UNC5CL: variants seen among roughly 807,000 people sequenced by gnomAD.
UNC5CL encodes unc-5 family C-terminal like, also known as UNC5C-like protein.
In UNC5CL, 42 loss-of-function variants were observed where a neutral mutation model predicts 54.1. The observed-to-expected ratio is 0.78, with a 90% confidence interval of 0.61 to 1.00. UNC5CL has a LOEUF of 1.00. Among genes scored for constraint, UNC5CL ranks in the 50% least tolerant of loss-of-function variants. The pLI, the probability that UNC5CL is intolerant of heterozygous loss-of-function variation, is 0.00. For synonymous variants in UNC5CL, 285 were observed against 285.1 expected (o/e 1.00, Z 0.00); for missense variants, 619 against 675.6 (o/e 0.92, Z 0.93).
Position 41,033,008 on chromosome 6 carries a change from G to A in UNC5CL, c.825C>T (p.Cys275=), listed in dbSNP as rs117712494. ...LRIYFLNNTP[C]ALQWALTNEQ... is the part of the protein sequence containing the mutation. ...CGTTGGTCAGTGCCCACTGCAGGGC[G>A]CAGGGCGTGTTGTTGAGGAAGTAGA... Residue 275 remains cysteine, a synonymous_variant, in exon 4 of 9, where the codon TGC becomes TGT. Transcript: ENST00000244565. The A allele has an allele frequency of 5.7e-4, 909 of 1,606,730 alleles. 13 individuals are homozygous for A. The East Asian group carries it at 0.016, about 29-fold the overall frequency.
At chr6:41,035,705 G>A (rs1438438100) in intron 1 of UNC5CL, among the ~76,000 whole-genome samples, 1 of 152,228 alleles carries the variant, frequency 6.6e-6, no homozygotes, top group East Asian at 1.9e-4. Context: ...AAAAGGAGTG[G>A]TAGCTTCGGG....
chr6:41,028,426 C>T lies in UNC5CL; in HGVS notation c.1504G>A (p.Glu502Lys), dbSNP rs1005099050. Reference sequence around the variant, plus strand: ...TGGTTATCCCGGGCGCCCCCGCGCTCGGGGCCTGGGCTGCCGCCGTGTGTC... The same window carrying T: ...TGGTTATCCCGGGCGCCCCCGCGCTTGGGGCCTGGGCTGCCGCCGTGTGTC... ...SGTHGGSPGP[E>K]RGGARDNQGL... The change falls in exon 9 of 9, where the codon GAG becomes AAG. Residue 502 changes from glutamate to lysine, a missense_variant. Transcript: ENST00000244565. This position sits in a 1 kb window ranked among gnomAD's most constrained non-coding sequence, Gnocchi z 4.3. 6 of 1,611,730 alleles carry T rather than the reference C, an allele frequency of 3.7e-6. No individual in the cohort carries two copies. The South Asian group carries it at 4.4e-5, about 12-fold the overall frequency.
Position 41,033,259 on chromosome 6 carries a change from CAGAGAA to C in UNC5CL, c.687-119_687-114del, listed in dbSNP as rs779214688. ...CCTCTGTGGGGCCTTCAAGGAGGTT[CAGAGAA>C]CACTCGAGGGGAGCACTTAGGGAGG... On this transcript the variant is annotated intron_variant, in intron 3 of 8. Coordinates refer to ENST00000244565, the MANE Select transcript of UNC5CL (RefSeq NM_173561.3). The C allele has an allele frequency of 7.7e-4, 1,035 of 1,343,182 alleles. 2 individuals carry two copies. Among genetic ancestry groups the C allele is most frequent in the Non-Finnish European group, 9.9e-4 (988 of 1,001,556 alleles). The allele number at this position is 1,343,182 out of a possible 1,614,324, so 83.2% of individuals were successfully genotyped here.
intron 1 of UNC5CL, among the ~76,000 whole-genome samples, chr6:41,036,371 G>T (rs1762524008): frequency 1.3e-5 from 2 of 152,170 alleles, no homozygotes; most frequent in Admixed American, 6.5e-5. Flanking sequence ...AATGAATCCG[G>T]TCTTAGACTG....
rs556426780 is a variant in UNC5CL at position 41,031,835 on chromosome 6, A to G, written c.1052-87T>C. 1,480 of 1,449,642 alleles carry G rather than the reference A, an allele frequency of 1.0e-3. 14 individuals are homozygous for G. In the African/African-American group the frequency reaches 0.018, roughly 18 times the overall value. The allele number at this position is 1,449,642 out of a possible 1,614,324, so 89.8% of individuals were successfully genotyped here. On this transcript the variant is annotated intron_variant, in intron 5 of 8. Transcript: ENST00000244565. ...AGAAGGTAAGGGACTCTATAGTAAG[A>G]CTTGGGAAATCTGAGGAAGCTGGGG...
At chr6:41,033,205 C>G (rs565239683) in intron 3 of UNC5CL, 59 bp from the exon 4 acceptor site, 1 of 1,557,790 alleles carries the variant, frequency 6.4e-7, no homozygotes, top group Non-Finnish European at 8.7e-7. Context: ...CACCAACACA[C>G]TGCCACCAGC....
rs752120688 is a variant in UNC5CL, at chr6:41,033,971, G to A, written c.596C>T (p.Thr199Ile). The A allele has an allele frequency of 5.5e-5, 88 of 1,614,066 alleles. No individual in the cohort carries two copies. The East Asian group carries it at 1.9e-3, about 36-fold the overall frequency. Residue 199 changes from threonine (T) to isoleucine (I), a missense_variant, in exon 3 of 9, where the codon ACC becomes ATC. Transcript: ENST00000244565. ...CCTCCATACCTTGGCATCCAGCAGG[G>A]TAGTGTTGCTGCTGTAGGTGCGAGC... The part of the protein sequence containing the change: ...SHARTYSSNT[T>I]LLDAKVWRPL...
chr6:41,034,284 G>A (rs1251069131), intron 2 of UNC5CL, 103 bp from the exon 3 acceptor site: 55 of 1,358,402 alleles, frequency 4.0e-5, no homozygotes, highest in Middle Eastern at 2.7e-4. Context: ...AGGAGCCCAG[G>A]AGAGACCCCC....
intron 3 of UNC5CL, chr6:41,033,527 G>C (rs1360797982): frequency 2.0e-6 from 1 of 492,052 alleles, no homozygotes; most frequent in Non-Finnish European, 3.6e-6. Flanking sequence ...TAGAGAACTG[G>C]TGCTAAGCCT....
Position 41,032,064 on chromosome 6 carries a change from G to T in UNC5CL, c.1023C>A (p.Phe341Leu), listed in dbSNP as rs764175606. ...HLHIWHGKCP[F>L]RSFCFRRKAA... is the part of the protein sequence containing the mutation. ...CTTTTCTCCGGAAGCAGAAGGAGCGGAAGGGGCACTTTCCATGCCAGATGT... is the reference window on the plus strand; with the variant it reads ...CTTTTCTCCGGAAGCAGAAGGAGCGTAAGGGGCACTTTCCATGCCAGATGT... Residue 341 changes from phenylalanine to leucine, a missense_variant, in exon 5 of 9, where the codon TTC becomes TTA. By Grantham distance (22) the Phe-to-Leu change is conservative. Coordinates refer to ENST00000244565, the MANE Select transcript of UNC5CL (RefSeq NM_173561.3). 2 of 1,614,192 alleles carry T rather than the reference G, an allele frequency of 1.2e-6. No homozygotes were observed. Among genetic ancestry groups the T allele is most frequent in the Non-Finnish European group, 1.7e-6 (2 of 1,180,032 alleles).
At chr6:41,031,341 C>G (rs1762450859) in intron 6 of UNC5CL, among the ~76,000 whole-genome samples, 1 of 152,310 alleles carries the variant, frequency 6.6e-6, no homozygotes, top group Admixed American at 6.5e-5. Flanking sequence ...ACTGAAGATA[C>G]CAAACATCAT....
In UNC5CL at chr6:41,030,428, T is replaced by TGCGCCAGTCA; in HGVS notation, c.1284_1293dup (p.Arg432Ter). 1 of 1,614,122 alleles carries TGCGCCAGTCA rather than the reference T, an allele frequency of 6.2e-7. No homozygotes were observed. The highest frequency in any genetic ancestry group is 1.7e-5 in the Admixed American group (1 of 60,024). On this transcript the variant is annotated stop_gained and frameshift_variant, in exon 8 of 9. Transcript: ENST00000244565. LOFTEE classifies it high-confidence loss of function. ...CAAAGCCCCAGGTGGGAGGCCAGTC[T>TGCGCCAGTCA]GCGCCAGTCATTGCCGGTGATGCTG...
Position 41,028,612 on chromosome 6 carries a change from G to C in UNC5CL, c.1335-17C>G, listed in dbSNP as rs372148236. On this transcript the variant is annotated splice_polypyrimidine_tract_variant and intron_variant, in intron 8 of 8. Coordinates refer to ENST00000244565, the MANE Select transcript of UNC5CL (RefSeq NM_173561.3). This position sits in a 1 kb window ranked among gnomAD's most constrained non-coding sequence, Gnocchi z 4.3. ...GACAGGAACCTGGCCCGAGGTAGGG[G>C]AGGAAGAGAAGGGTGTAGGAGCAGG... The C allele has an allele frequency of 5.0e-6, 8 of 1,610,162 alleles. No homozygotes were observed. The South Asian group carries it at 8.8e-5, about 18-fold the overall frequency.
chr6:41,033,585 GAC>G (rs1168950286), intron 3 of UNC5CL: 4 of 536,774 alleles, frequency 7.5e-6, no homozygotes, highest in Admixed American at 3.6e-5. Context: ...TAATTTGAAA[GAC>G]AGAGAGAGAT....
In UNC5CL at chr6:41,032,279, C is replaced by A. The variant is rs1762463484; in HGVS notation, c.950-142G>T. On this transcript the variant is annotated intron_variant, in intron 4 of 8. Coordinates refer to ENST00000244565, the MANE Select transcript of UNC5CL (RefSeq NM_173561.3). ...GAATCCCCAGAGCCTGGGCTGGGAC[C>A]CCAAGAGGGCCCTTGCACTATAAAA... The A allele has an allele frequency of 8.8e-6, 6 of 683,442 alleles. No individual in the cohort carries two copies. In the Admixed American group the frequency reaches 1.5e-4, roughly 17 times the overall value. The allele number at this position is 683,442 out of a possible 1,614,324, so 42.3% of individuals were successfully genotyped here. A position where few individuals can be genotyped will look rare whatever the true frequency, so the allele number is the denominator to read the frequency against.
At position 41,028,418 on chromosome 6, in the gene UNC5CL, C is replaced by T; in HGVS notation, c.1512G>A (p.Gly504=). The T allele has an allele frequency of 6.2e-7, 1 of 1,610,550 alleles. No homozygotes were observed. Among genetic ancestry groups the T allele is most frequent in the Non-Finnish European group, 8.5e-7 (1 of 1,178,814 alleles). The change falls in exon 9 of 9, where the codon GGG becomes GGA. Residue 504 remains glycine, a synonymous_variant. Transcript: ENST00000244565. This position sits in a 1 kb window ranked among gnomAD's most constrained non-coding sequence, Gnocchi z 4.3. ...THGGSPGPER[G]GARDNQGLEL... ...CCAGGCCCTGGTTATCCCGGGCGCC[C>T]CCGCGCTCGGGGCCTGGGCTGCCGC...
At position 41,029,232 on chromosome 6, in the gene UNC5CL, A is replaced by G. The variant is rs1762425551; in HGVS notation, c.1335-637T>C. ...TTCTCGCCTTGCACACACTACACCC[A>G]CAGCCACCTCTGCTACTCCCCAAAA... On this transcript the variant is annotated intron_variant, in intron 8 of 8. Coordinates refer to ENST00000244565, the MANE Select transcript of UNC5CL (RefSeq NM_173561.3). The surrounding 1 kb of genome is among the most constrained non-coding windows in gnomAD (Gnocchi z 4.1). Among the ~76,000 whole-genome samples the G allele has an allele frequency of 6.6e-6, 1 of 151,844 alleles. No individual in the cohort carries two copies. The highest frequency in any genetic ancestry group is 1.5e-5 in the Non-Finnish European group (1 of 67,932).
At chr6:41,032,795 A>C in intron 4 of UNC5CL, 89 bp downstream of exon 4, 1 of 1,443,584 alleles carries the variant, frequency 6.9e-7, no homozygotes, top group Non-Finnish European at 9.2e-7. Context: ...TGGGATCCCC[A>C]GATCTCCAGA....
In UNC5CL at chr6:41,032,995, C is replaced by A. The variant is rs779372966; in HGVS notation, c.838G>T (p.Ala280Ser). 74 of 1,604,802 alleles carry A rather than the reference C, an allele frequency of 4.6e-5. 1 individual carries two copies. The South Asian group carries it at 6.4e-4, about 14-fold the overall frequency. ...CCATGGGGCTGCTCGTTGGTCAGTG[C>A]CCACTGCAGGGCGCAGGGCGTGTTG... Reference protein sequence around the residue: ...LNNTPCALQWALTNEQPHGGR... With the variant: ...LNNTPCALQWSLTNEQPHGGR... The change falls in exon 4 of 9, where the codon GCA (alanine) becomes TCA (serine). Residue 280 changes from alanine (A) to serine (S), a missense_variant. Physicochemically the swap from Ala to Ser is moderately conservative, Grantham distance 99. Coordinates refer to ENST00000244565, the MANE Select transcript of UNC5CL (RefSeq NM_173561.3).
Sources: gnomAD v4.1 joint callset for allele counts (sites outside exome capture counted in the v4.1 genomes callset) on GRCh38, gnomAD v4.1.1 for gene constraint, Gnocchi (gnomAD v3.1) non-coding constraint, MANE v1.5 for transcripts, NCBI Gene and HGNC (gene_info 2026-07-23, HGNC 2026-07-21) for gene names.